The following CDCA7L variants were observed in gnomAD, a reference collection of about 807,000 sequenced individuals.
CDCA7L encodes the protein cell division cycle associated 7 like.
Under a neutral mutation model 57.4 loss-of-function variants are expected in CDCA7L, and 44 were observed. That is an observed-to-expected ratio of 0.77 (90% CI 0.60 to 0.98). The LOEUF (loss-of-function observed/expected upper bound fraction) is 0.98, where lower values mean the gene tolerates loss of function less well. CDCA7L is among the 50% of genes least tolerant of loss of function. CDCA7L has a pLI of 0.00. For synonymous variants in CDCA7L, 236 were observed against 202.8 expected (o/e 1.16, Z -1.39); for missense variants, 644 against 580.6 (o/e 1.11, Z -1.12).
intron 1 of CDCA7L, among the ~76,000 whole-genome samples, chr7:21,928,644 C>T (rs182450864): frequency 1.3e-5 from 2 of 151,730 alleles, no homozygotes; most frequent in Admixed American, 1.3e-4. Flanking sequence ...AGCACGAAAA[C>T]TTCATGAAGC....
chr7:21,916,852 C>T lies in CDCA7L; in HGVS notation c.67G>A (p.Asp23Asn), dbSNP rs1431671844. 3 of 1,614,124 alleles carry T rather than the reference C, an allele frequency of 1.9e-6. No homozygotes were observed. Among genetic ancestry groups the T allele is most frequent in the East Asian group, 2.2e-5 (1 of 44,878 alleles). Residue 23 changes from aspartate to asparagine, a missense_variant, in exon 2 of 10, where the codon GAT becomes AAT. Asp to Asn is a conservative substitution (Grantham distance 23, BLOSUM62 1). Transcript: ENST00000406877. ...VADIFNAPSD[D>N]EEFVGFRDDV... Reference sequence around the variant, plus strand: ...TCTCGGAAGCCAACAAACTCTTCATCATCACTGGGGGCGTTAAAGATGTCA... The same window carrying T: ...TCTCGGAAGCCAACAAACTCTTCATTATCACTGGGGGCGTTAAAGATGTCA...
At chr7:21,907,076 T>A (rs754167640) in intron 4 of CDCA7L, among the ~76,000 whole-genome samples, 4 of 152,266 alleles carry the variant, frequency 2.6e-5, no homozygotes, top group Non-Finnish European at 5.9e-5. Context: ...AAAAGTCTGA[T>A]TCTTTAAATA....
At chr7:21,918,275 C>T (rs1480569258) in intron 1 of CDCA7L, among the ~76,000 whole-genome samples, 2 of 152,124 alleles carry the variant, frequency 1.3e-5, no homozygotes, top group Non-Finnish European at 2.9e-5. Flanking sequence ...TGATCCTCCC[C>T]GTAATTATCT....
intron 2 of CDCA7L, among the ~76,000 whole-genome samples, chr7:21,915,436 G>T (rs1785448574): frequency 8.1e-6 from 1 of 124,178 alleles, no homozygotes; most frequent in Non-Finnish European, 1.9e-5. Context: ...CACTAAGTGA[G>T]AAGACTGAAG....
chr7:21,900,944 ACT>A lies in CDCA7L; in HGVS notation c.*1376_*1377del. 1 of 868,794 alleles carries A rather than the reference ACT, an allele frequency of 1.2e-6. No homozygotes were observed. The highest frequency in any genetic ancestry group is 1.6e-6 in the Non-Finnish European group (1 of 638,476). The allele number at this position is 868,794 out of a possible 1,614,324, so 53.8% of individuals were successfully genotyped here. On this transcript the variant is annotated 3_prime_UTR_variant, in exon 10 of 10. Transcript: ENST00000406877. ...GAATGTTTATTGCATCAAACAACTT[ACT>A]TGATCATTATCATTAGTAGCAAGCT... is the stretch of plus-strand genomic sequence containing the variant.
intron 3 of CDCA7L, among the ~76,000 whole-genome samples, chr7:21,908,906 G>A (rs1317390509): frequency 1.3e-5 from 2 of 152,174 alleles, no homozygotes; most frequent in Admixed American, 1.3e-4. Context: ...GGACGCAACG[G>A]GGGAAAAATG....
intron 9 of CDCA7L, 129 bp from the exon 10 acceptor site, chr7:21,902,481 G>A: frequency 1.2e-6 from 1 of 866,654 alleles, no homozygotes; most frequent in Non-Finnish European, 1.9e-6. Flanking sequence ...TCGAAATCCT[G>A]ACAATTTATG....
At chr7:21,906,262 C>T (rs1330595957) in intron 6 of CDCA7L, 27 bp downstream of exon 6, 1 of 1,562,810 alleles carries the variant, frequency 6.4e-7, no homozygotes, top group Non-Finnish European at 8.7e-7. Flanking sequence ...CAGACAAAAA[C>T]TAATTCATGT....
intron 1 of CDCA7L, among the ~76,000 whole-genome samples, chr7:21,938,473 T>G (rs1334929891): frequency 6.6e-6 from 1 of 152,160 alleles, no homozygotes; most frequent in Admixed American, 6.6e-5. Context: ...ACACAGCCAC[T>G]GTGCCAAACA....
intron 1 of CDCA7L, among the ~76,000 whole-genome samples, chr7:21,923,366 GC>G (rs1391321525): frequency 6.6e-6 from 1 of 152,006 alleles, no homozygotes; most frequent in Non-Finnish European, 1.5e-5. Flanking sequence ...GGTGGCGTGT[GC>G]CTGTAGTCCC....
intron 1 of CDCA7L, among the ~76,000 whole-genome samples, chr7:21,938,958 A>T (rs1051072431): frequency 6.6e-6 from 1 of 152,164 alleles, no homozygotes; most frequent in African/African-American, 2.4e-5. Context: ...GCAGTGAGCC[A>T]CGATAGCACC....
At chr7:21,944,209 C>T (rs1008562945) in intron 1 of CDCA7L, among the ~76,000 whole-genome samples, 5 of 150,910 alleles carry the variant, frequency 3.3e-5, no homozygotes, top group Admixed American at 6.6e-5. Flanking sequence ...GAGGCCGAGG[C>T]AGGTGGATCA....
chr7:21,934,540 T>C (rs1786107565), intron 1 of CDCA7L, among the ~76,000 whole-genome samples: 1 of 152,192 alleles, frequency 6.6e-6, no homozygotes, highest in Non-Finnish European at 1.5e-5. Flanking sequence ...AGAAAACCTA[T>C]TTCTTAAATC....
In CDCA7L at chr7:21,902,259, A is replaced by AATGGTATG; in HGVS notation, c.*55_*62dup. On this transcript the variant is annotated 3_prime_UTR_variant, in exon 10 of 10. Coordinates refer to ENST00000406877, the MANE Select transcript of CDCA7L (RefSeq NM_018719.5). ...TGTAAAAAAATCTTTCTTAGGCACC[A>AATGGTATG]ATGGTATGCATGTCTTGTTGGAGTA... The AATGGTATG allele has an allele frequency of 6.9e-7, 1 of 1,450,880 alleles. No homozygotes were observed. Among genetic ancestry groups the AATGGTATG allele is most frequent in the Non-Finnish European group, 9.7e-7 (1 of 1,032,692 alleles). 89.9% of individuals were successfully genotyped at this position (1,450,880 alleles called of 1,614,324 possible).
At chr7:21,905,424 C>G (rs929379478) in intron 7 of CDCA7L, 82 bp downstream of exon 7, 14 of 1,476,792 alleles carry the variant, frequency 9.5e-6, no homozygotes, top group East Asian at 6.9e-5. Flanking sequence ...GGCATAAGCC[C>G]TGATAGAGTT....
At chr7:21,924,746 A>G (rs956165908) in intron 1 of CDCA7L, among the ~76,000 whole-genome samples, 3 of 152,236 alleles carry the variant, frequency 2.0e-5, no homozygotes, top group African/African-American at 4.8e-5. Context: ...TGTGTAAAGT[A>G]AACAATCAAA....
At position 21,901,424 on chromosome 7, in the gene CDCA7L, T is replaced by A; in HGVS notation, c.*898A>T. 1 of 985,284 alleles carries A rather than the reference T, an allele frequency of 1.0e-6. No homozygotes were observed. The highest frequency in any genetic ancestry group is 2.9e-5 in the South Asian group (1 of 34,858). The allele number at this position is 985,284 out of a possible 1,614,324, so 61.0% of individuals were successfully genotyped here. On this transcript the variant is annotated 3_prime_UTR_variant, in exon 10 of 10. Transcript: ENST00000406877. ...TCAGAAAAAAATACTAGAAACTAAC[T>A]CAGGGCTGAGCGTGGTGGCACACGA...
Position 21,902,185 on chromosome 7 carries a change from T to G in CDCA7L, c.*137A>C. On this transcript the variant is annotated 3_prime_UTR_variant, in exon 10 of 10. Coordinates refer to ENST00000406877, the MANE Select transcript of CDCA7L (RefSeq NM_018719.5). Reference sequence around the variant, plus strand: ...TCTTTGTAAGCATATAAACAATCTTTAACAAAAAATAGTAATTTCTACAAA... The same window carrying G: ...TCTTTGTAAGCATATAAACAATCTTGAACAAAAAATAGTAATTTCTACAAA... The G allele has an allele frequency of 1.2e-6, 1 of 859,882 alleles. No homozygotes were observed. The highest frequency in any genetic ancestry group is 1.5e-5 in the South Asian group (1 of 68,016). 53.3% of individuals were successfully genotyped at this position (859,882 alleles called of 1,614,324 possible). A position where few individuals can be genotyped will look rare whatever the true frequency, so the allele number is the denominator to read the frequency against.
At chr7:21,905,083 C>T (rs185121420) in intron 7 of CDCA7L, among the ~76,000 whole-genome samples, 91 of 152,210 alleles carry the variant, frequency 6.0e-4, no homozygotes, top group Non-Finnish European at 1.9e-4. Flanking sequence ...AAATGCAGAA[C>T]GCAAAGCCTC....
Sources: allele counts gnomAD v4.1 joint callset (sites outside exome capture counted in the v4.1 genomes callset), GRCh38; gene constraint gnomAD v4.1.1; transcripts MANE v1.5; gene names NCBI Gene and HGNC (gene_info 2026-07-23, HGNC 2026-07-21).